The following ARHGEF12 variants were observed in gnomAD, a reference collection of about 807,000 sequenced individuals.
ARHGEF12 encodes Rho guanine nucleotide exchange factor 12.
ARHGEF12 carries 66 observed loss-of-function variants against 211.2 expected under a neutral mutation model. That is an observed-to-expected ratio of 0.31 (90% CI 0.26 to 0.38). The LOEUF is 0.38. Ranked by LOEUF, ARHGEF12 falls within the 10% of genes least tolerant of loss-of-function variation. The pLI is 1.00. For missense variants in ARHGEF12, 1,429 were observed against 1,869.5 expected (o/e 0.76, Z 4.34); for synonymous variants, 592 against 638.4 (o/e 0.93, Z 1.09).
At chr11:120,351,795 A>C (rs1942983650) in intron 1 of ARHGEF12, among the ~76,000 whole-genome samples, 1 of 152,070 alleles carries the variant, frequency 6.6e-6, no homozygotes, top group Non-Finnish European at 1.5e-5. Flanking sequence ...TTGAGTACAT[A>C]TTAAGTACTG....
Position 120,480,277 on chromosome 11 carries a change from A to G in ARHGEF12, c.4084A>G (p.Thr1362Ala). ...TTTAGTAATGGACCACATGATTATGACCCCAGAGATGCCTACCATGGAGCC... is the reference window on the plus strand; with the variant it reads ...TTTAGTAATGGACCACATGATTATGGCCCCAGAGATGCCTACCATGGAGCC... ...NILVMDHMIM[T>A]PEMPTMEPEG... is the part of the protein sequence containing the mutation. Residue 1362 changes from threonine (T) to alanine (A), a missense_variant, in exon 38 of 41, where the codon ACC (threonine) becomes GCC (alanine). Transcript: ENST00000397843. The G allele has an allele frequency of 6.2e-7, 1 of 1,614,116 alleles. No homozygotes were observed. Among genetic ancestry groups the G allele is most frequent in the Non-Finnish European group, 8.5e-7 (1 of 1,180,020 alleles).
intron 1 of ARHGEF12, chr11:120,337,880 G>A: frequency 1.3e-5 from 13 of 985,432 alleles, no homozygotes; most frequent in Non-Finnish European, 1.6e-5. Context: ...GTAAATCATG[G>A]GGTTTGCTTT....
intron 27 of ARHGEF12, chr11:120,462,673 G>T (rs1485366145): frequency 2.0e-5 from 3 of 152,150 alleles, no homozygotes; most frequent in African/African-American, 4.8e-5. Context: ...TTAGAAGAAG[G>T]CATTGGCCAG....
rs763442248 is a variant in ARHGEF12 at position 120,431,763 on chromosome 11, T to C, written c.784-8T>C. The C allele has an allele frequency of 6.4e-7, 1 of 1,564,502 alleles. No homozygotes were observed. The highest frequency in any genetic ancestry group is 1.2e-5 in the South Asian group (1 of 83,110). On this transcript the variant is annotated splice_region_variant and splice_polypyrimidine_tract_variant and intron_variant, in intron 10 of 40. Transcript: ENST00000397843. ...TGTGTGCGCGTGTTTTTCTTTCATC[T>C]GTTTTAGGATGGAGCTGTAGTTACA...
At chr11:120,463,152 A>G (rs879273452) in intron 27 of ARHGEF12, 2 of 152,222 alleles carry the variant, frequency 1.3e-5, no homozygotes, top group Non-Finnish European at 2.9e-5. Flanking sequence ...TCAACTTAAG[A>G]TATTTTCAAT....
rs950409468 is a variant in ARHGEF12 at position 120,411,075 on chromosome 11, T to C, written c.199+1625T>C. On this transcript the variant is annotated intron_variant, in intron 4 of 40. Coordinates refer to ENST00000397843, the MANE Select transcript of ARHGEF12 (RefSeq NM_015313.3). Reference sequence around the variant, plus strand: ...AGAAATACTATACTAATATTTTTCTTAGCAGTGATAGAAACATTAATACTA... The same window carrying C: ...AGAAATACTATACTAATATTTTTCTCAGCAGTGATAGAAACATTAATACTA... The C allele has an allele frequency of 3.3e-5, 5 of 152,360 alleles. 1 individual carries two copies. The highest frequency in any genetic ancestry group is 4.8e-5 in the African/African-American group (2 of 41,586). The allele number at this position is 152,360 out of a possible 1,614,324, so 9.4% of individuals were successfully genotyped here.
chr11:120,486,902 A>C lies in ARHGEF12; in HGVS notation c.*1825A>C, dbSNP rs1947410440. ...AAATTATATTTTTAGTCATAAGCCA[A>C]GTACAATCTAACTCAGAATGGGATT... On this transcript the variant is annotated 3_prime_UTR_variant, in exon 41 of 41. Transcript: ENST00000397843. The C allele has an allele frequency of 1.4e-5, 3 of 211,988 alleles. No homozygotes were observed. The highest frequency in any genetic ancestry group is 2.3e-5 in the African/African-American group (1 of 44,226). 13.1% of individuals were successfully genotyped at this position (211,988 alleles called of 1,614,324 possible). A position where few individuals can be genotyped will look rare whatever the true frequency, so the allele number is the denominator to read the frequency against.
At chr11:120,475,236 G>A (rs984859346) in intron 32 of ARHGEF12, 104 bp from the exon 33 acceptor site, 13 of 1,087,934 alleles carry the variant, frequency 1.2e-5, no homozygotes, top group Admixed American at 5.5e-5. Context: ...TTAAAATTTT[G>A]TAGCTTTAAC....
At chr11:120,346,977 A>G (rs1446816253) in intron 1 of ARHGEF12, among the ~76,000 whole-genome samples, 1 of 152,182 alleles carries the variant, frequency 6.6e-6, no homozygotes, top group African/African-American at 2.4e-5. Flanking sequence ...TAATAGTACT[A>G]TATAGACTGA....
intron 15 of ARHGEF12, among the ~76,000 whole-genome samples, chr11:120,444,357 C>T (rs1945980156): frequency 6.6e-6 from 1 of 152,012 alleles, no homozygotes; most frequent in Admixed American, 6.6e-5. Context: ...AAGAAGAATC[C>T]TTACACTTTG....
intron 1 of ARHGEF12, among the ~76,000 whole-genome samples, chr11:120,381,356 A>C (rs1336491552): frequency 1.3e-5 from 2 of 152,222 alleles, no homozygotes; most frequent in Non-Finnish European, 2.9e-5. Context: ...GACCATAAGA[A>C]ACCTGGCTCC....
rs550872758 is a variant in ARHGEF12, at chr11:120,346,045, T to C, written c.32+8770T>C. On this transcript the variant is annotated intron_variant, in intron 1 of 40. Transcript: ENST00000397843. Reference sequence around the variant, plus strand: ...AGAAAATTCAAATCATATAAAATGGTATAAAAAAAAGTATTCCTACACACC... The same window carrying C: ...AGAAAATTCAAATCATATAAAATGGCATAAAAAAAAGTATTCCTACACACC... 5.3e-5 allele frequency among the ~76,000 whole-genome samples: 8 copies of C among 152,160 alleles called. No homozygotes were observed. The South Asian group carries it at 1.7e-3, about 32-fold the overall frequency.
At chr11:120,361,301 C>G (rs768676400) in intron 1 of ARHGEF12, among the ~76,000 whole-genome samples, 1 of 152,168 alleles carries the variant, frequency 6.6e-6, no homozygotes, top group Non-Finnish European at 1.5e-5. Context: ...AGTGCGAACC[C>G]TGTTGTGAAC....
In ARHGEF12 at chr11:120,486,838, G is replaced by A. The variant is rs11217890; in HGVS notation, c.*1761G>A. The A allele has an allele frequency of 0.18, 37,778 of 214,992 alleles. 3,971 individuals carry two copies. Among genetic ancestry groups the A allele is most frequent in the Non-Finnish European group, 0.23 (24,097 of 106,550 alleles). 13.3% of individuals were successfully genotyped at this position (214,992 alleles called of 1,614,324 possible). ...GTCCTAAATTGATCTGTGTTTTTAGGTGGATCAACTTGGATCTTTAGACCT... is the reference window on the plus strand; with the variant it reads ...GTCCTAAATTGATCTGTGTTTTTAGATGGATCAACTTGGATCTTTAGACCT... On this transcript the variant is annotated 3_prime_UTR_variant, in exon 41 of 41. Transcript: ENST00000397843.
intron 1 of ARHGEF12, among the ~76,000 whole-genome samples, chr11:120,354,216 C>G (rs569631531): frequency 1.3e-5 from 2 of 152,102 alleles, no homozygotes; most frequent in Admixed American, 6.5e-5. Context: ...TAATCCCAGT[C>G]GGCCCAATTA....
chr11:120,406,076 A>G, intron 1 of ARHGEF12, 42 bp from the exon 2 acceptor site: 1 of 1,445,326 alleles, frequency 6.9e-7, no homozygotes, highest in Non-Finnish European at 9.5e-7. Flanking sequence ...AAATCTTACA[A>G]GTAAAGTAAC....
chr11:120,420,874 T>G (rs1477173714), intron 5 of ARHGEF12, 23 bp downstream of exon 5: 2 of 1,583,952 alleles, frequency 1.3e-6, no homozygotes, highest in South Asian at 1.1e-5. Context: ...AAAAAACAAT[T>G]TATCACTCAG....
In ARHGEF12 at chr11:120,457,873, A is replaced by G. The variant is rs1028500390; in HGVS notation, c.2225+117A>G. 14 of 1,239,352 alleles carry G rather than the reference A, an allele frequency of 1.1e-5. No individual in the cohort carries two copies. In the African/African-American group the frequency reaches 2.0e-4, roughly 18 times the overall value. 76.8% of individuals were successfully genotyped at this position (1,239,352 alleles called of 1,614,324 possible). On this transcript the variant is annotated intron_variant, in intron 24 of 40. Transcript: ENST00000397843. ...CCTGTATACCAATCTGTTATGTAGT[A>G]TAAAAGAAAGCTCTTAAGAAACACT... is the stretch of plus-strand genomic sequence containing the variant.
intron 26 of ARHGEF12, among the ~76,000 whole-genome samples, chr11:120,459,809 A>G (rs1946472826): frequency 2.0e-5 from 3 of 152,124 alleles, no homozygotes; most frequent in Admixed American, 1.3e-4. Flanking sequence ...CCTGGGTTCA[A>G]GGGATCCTCC....
Sources: gnomAD v4.1 joint callset for allele counts (sites outside exome capture counted in the v4.1 genomes callset) on GRCh38, gnomAD v4.1.1 for gene constraint, MANE v1.5 for transcripts, NCBI Gene and HGNC (gene_info 2026-07-23, HGNC 2026-07-21) for gene names.